Variants in HMCN1 observed in about 807,000 individuals in gnomAD.
HMCN1 encodes the protein hemicentin 1.
HMCN1 carries 321 observed loss-of-function variants against 625.9 expected under a neutral mutation model. The observed-to-expected ratio is 0.51, with a 90% confidence interval of 0.47 to 0.56. The LOEUF (loss-of-function observed/expected upper bound fraction) is 0.56, where lower values mean the gene tolerates loss of function less well. Ranked by LOEUF, HMCN1 falls within the 20% of genes least tolerant of loss-of-function variation. The pLI, the probability that HMCN1 is intolerant of heterozygous loss-of-function variation, is 0.00. For missense variants in HMCN1, 6,588 were observed against 6,887.3 expected (o/e 0.96, Z 1.54); for synonymous variants, 2,425 against 2,417.6 (o/e 1.00, Z -0.09).
chr1:186,125,530 T>A, intron 81 of HMCN1, 74 bp from the exon 82 acceptor site: 1 of 1,143,636 alleles, frequency 8.7e-7, no homozygotes, highest in South Asian at 1.3e-5. Context: ...GTTTTTTATG[T>A]GTTAATTTTT....
chr1:185,882,547 G>A (rs1664374334), intron 4 of HMCN1, among the ~76,000 whole-genome samples: 1 of 151,832 alleles, frequency 6.6e-6, no homozygotes, highest in Non-Finnish European at 1.5e-5. Context: ...ATTGATATGG[G>A]TAGTTGCCAC....
chr1:185,845,241 A>G (rs1057067299), intron 1 of HMCN1, among the ~76,000 whole-genome samples: 1 of 151,930 alleles, frequency 6.6e-6, no homozygotes, highest in Non-Finnish European at 1.5e-5. Context: ...TTTTTTTGAG[A>G]TGGAGTCTCG....
intron 4 of HMCN1, among the ~76,000 whole-genome samples, chr1:185,875,521 G>C (rs576551088): frequency 5.9e-5 from 9 of 152,152 alleles, no homozygotes; most frequent in Admixed American, 1.3e-4. Flanking sequence ...CAGGCCTTCT[G>C]TTCTTCACTC....
intron 46 of HMCN1, among the ~76,000 whole-genome samples, chr1:186,061,400 C>A (rs75738239): frequency 0.011 from 1,610 of 152,212 alleles, 74 homozygotes; most frequent in Admixed American, 0.079. Context: ...ATGTGGGAAA[C>A]CATTCCCATG....
chr1:185,932,541 T>G (rs1167270983), intron 10 of HMCN1, among the ~76,000 whole-genome samples: 1 of 152,180 alleles, frequency 6.6e-6, no homozygotes, highest in Admixed American at 6.5e-5. Context: ...AGGAGATCAT[T>G]TTAAAGCATT....
chr1:185,800,414 A>G (rs1658716263), intron 1 of HMCN1, among the ~76,000 whole-genome samples: 2 of 152,046 alleles, frequency 1.3e-5, no homozygotes, highest in Admixed American at 1.3e-4. Context: ...CTTCATCATG[A>G]TCACCTTATT....
At position 186,055,670 on chromosome 1, in the gene HMCN1, C is replaced by A; in HGVS notation, c.7140C>A (p.Val2380=). The A allele has an allele frequency of 1.2e-6, 2 of 1,612,312 alleles. No homozygotes were observed. Among genetic ancestry groups the A allele is most frequent in the South Asian group, 2.2e-5 (2 of 91,018 alleles). The change falls in exon 45 of 107, where the codon GTC becomes GTA. Residue 2380 remains valine (V), a synonymous_variant. Transcript: ENST00000271588. ...CTGACAAAAAATATGACTTAAGTGTCCATGGTAAGTAGAAAGAGGCTCAAT... is the reference window on the plus strand; with the variant it reads ...CTGACAAAAAATATGACTTAAGTGTACATGGTAAGTAGAAAGAGGCTCAAT... ...GMTDKKYDLS[V]HAPPSIIGNH...
chr1:185,890,501 G>A (rs1226136331), intron 4 of HMCN1, among the ~76,000 whole-genome samples: 1 of 144,938 alleles, frequency 6.9e-6, no homozygotes, highest in Admixed American at 6.7e-5. Context: ...AGAGATTCTG[G>A]TATGTTGTGT....
chr1:185,766,801 A>G (rs567284108), intron 1 of HMCN1, among the ~76,000 whole-genome samples: 5 of 152,238 alleles, frequency 3.3e-5, no homozygotes, highest in Admixed American at 6.5e-5. Flanking sequence ...AAGCAAGCAT[A>G]CAAGGAATCT....
rs1656945292 is a variant in HMCN1, at chr1:185,779,999, TG to T, written c.268+44953del. 2.0e-5 allele frequency among the ~76,000 whole-genome samples: 3 copies of T among 152,364 alleles called. No homozygotes were observed. In the South Asian group the frequency reaches 6.2e-4, roughly 32 times the overall value. The stretch of plus-strand genomic sequence containing the variant: ...CATGAGCATGGAATGTTCTTCCATT[TG>T]TTTGTGTCCTCTTTTATTTCATTGA... On this transcript the variant is annotated intron_variant, in intron 1 of 106. Transcript: ENST00000271588.
intron 30 of HMCN1, among the ~76,000 whole-genome samples, chr1:186,014,513 G>A (rs192998137): frequency 2.0e-5 from 3 of 152,044 alleles, no homozygotes; most frequent in African/African-American, 7.2e-5. Context: ...TTTAGAATTT[G>A]CAGGAGAGAC....
At chr1:186,049,459 G>A (rs1286089978) in intron 42 of HMCN1, among the ~76,000 whole-genome samples, 1 of 151,022 alleles carries the variant, frequency 6.6e-6, no homozygotes, top group Admixed American at 6.6e-5. Context: ...TGGGAGATGG[G>A]ATTACTATAA....
chr1:186,153,954 C>T lies in HMCN1; in HGVS notation c.15223C>T (p.Leu5075=). ...ESDYNQIEET[L]GFKIHASISK... is the part of the protein sequence containing the mutation. The stretch of plus-strand genomic sequence containing the variant: ...TGACTATAACCAGATAGAAGAGACA[C>T]TGGGTTTTAAAATTCATGCTTCAAT... Residue 5075 remains leucine (L), a synonymous_variant, in exon 97 of 107, where the codon CTG becomes TTG. Coordinates refer to ENST00000271588, the MANE Select transcript of HMCN1 (RefSeq NM_031935.3). 1.2e-6 allele frequency: 2 copies of T among 1,613,870 alleles called. No individual in the cohort carries two copies. Among genetic ancestry groups the T allele is most frequent in the Non-Finnish European group, 8.5e-7 (1 of 1,179,780 alleles).
In HMCN1 at chr1:186,081,249, A is replaced by G; in HGVS notation, c.8642A>G (p.Glu2881Gly). ...IKGANSDLPE[E>G]VTVLVNKSAL... ...GGAGCAAATAGTGATCTCCCTGAAG[A>G]GGTCACCGTGCTGGTGAACAAGAGT... Residue 2881 changes from glutamate (E) to glycine (G), a missense_variant, in exon 56 of 107, where the codon GAG (glutamate) becomes GGG (glycine). By Grantham distance (98) the Glu-to-Gly change is moderately conservative. This residue lies in a region of HMCN1 where 4,628 missense variants were observed against 4,853.1 expected (regional missense o/e 0.95). Coordinates refer to ENST00000271588, the MANE Select transcript of HMCN1 (RefSeq NM_031935.3). The G allele has an allele frequency of 6.2e-7, 1 of 1,613,826 alleles. No homozygotes were observed. Among genetic ancestry groups the G allele is most frequent in the Non-Finnish European group, 8.5e-7 (1 of 1,179,772 alleles).
chr1:186,134,545 A>G (rs1649477025), intron 86 of HMCN1, among the ~76,000 whole-genome samples: 1 of 152,162 alleles, frequency 6.6e-6, no homozygotes, highest in African/African-American at 2.4e-5. Flanking sequence ...TGATGAGCAT[A>G]AGTCAGAGTA....
intron 2 of HMCN1, among the ~76,000 whole-genome samples, chr1:185,846,631 G>A (rs943824083): frequency 2.0e-5 from 3 of 152,088 alleles, no homozygotes; most frequent in Non-Finnish European, 4.4e-5. Context: ...TTCTTCTGGT[G>A]CTGAATTTAT....
intron 11 of HMCN1, among the ~76,000 whole-genome samples, chr1:185,940,261 C>T (rs894080056): frequency 3.9e-5 from 6 of 152,124 alleles, no homozygotes; most frequent in South Asian, 2.1e-4. Flanking sequence ...TTTATGTAAA[C>T]ATAAAATAAG....
chr1:185,851,620 G>A (rs1208452), intron 2 of HMCN1, among the ~76,000 whole-genome samples: 8,498 of 152,134 alleles, frequency 0.056, 355 homozygotes, highest in Non-Finnish European at 0.08. Flanking sequence ...ACAGAGCTTT[G>A]GAAATTAATA....
chr1:186,088,396 G>T (rs1435829030), intron 62 of HMCN1, 120 bp downstream of exon 62: 2 of 1,484,432 alleles, frequency 1.3e-6, no homozygotes, highest in Non-Finnish European at 1.9e-6. Context: ...GTTCAAGAAG[G>T]CTAACGCACT....
Sources: gnomAD v4.1 joint callset for allele counts (sites outside exome capture counted in the v4.1 genomes callset) on GRCh38, gnomAD v4.1.1 for gene constraint, gnomAD v4.1.1 regional missense constraint, MANE v1.5 for transcripts, NCBI Gene and HGNC (gene_info 2026-07-23, HGNC 2026-07-21) for gene names.